Variants in MAGI2 observed in about 807,000 individuals in gnomAD.
The protein encoded by MAGI2 is membrane associated guanylate kinase, WW and PDZ domain containing 2.
A neutral mutation model predicts 133.3 loss-of-function variants in MAGI2; 35 were observed. The observed-to-expected ratio is 0.26, with a 90% confidence interval of 0.20 to 0.35. The LOEUF is 0.35. Ranked by LOEUF, MAGI2 falls within the 10% of genes least tolerant of loss-of-function variation. The pLI is 1.00. For synonymous variants in MAGI2, 729 were observed against 710.6 expected (o/e 1.03, Z -0.41); for missense variants, 1,636 against 1,863.4 (o/e 0.88, Z 2.25).
intron 1 of MAGI2, among the ~76,000 whole-genome samples, chr7:79,266,672 T>A (rs1048604659): frequency 1.3e-5 from 2 of 152,126 alleles, no homozygotes; most frequent in African/African-American, 4.8e-5. Context: ...TTCTTAATAG[T>A]CTTTAAGAAC....
chr7:78,019,761 GCTT>G lies in MAGI2; in HGVS notation c.3919_3921del (p.Lys1307del), dbSNP rs768539271. ...CGCTCCCTCTGCTCCCCGAGGCGCT[GCTT>G]CTTCTGGCCGCAGGCTGAAAGCTCC... On this transcript the variant is annotated inframe_deletion, in exon 22 of 22. Transcript: ENST00000354212. 4 of 1,612,446 alleles carry G rather than the reference GCTT, an allele frequency of 2.5e-6. No individual in the cohort carries two copies. Among genetic ancestry groups the G allele is most frequent in the Non-Finnish European group, 3.4e-6 (4 of 1,179,672 alleles).
At chr7:78,652,687 A>G (rs1811709256) in intron 2 of MAGI2, among the ~76,000 whole-genome samples, 1 of 152,204 alleles carries the variant, frequency 6.6e-6, no homozygotes, top group Admixed American at 6.5e-5. Context: ...AAACCGTAGA[A>G]GAAAACCTAG....
At chr7:79,045,670 T>C (rs1237194344) in intron 1 of MAGI2, among the ~76,000 whole-genome samples, 1 of 152,136 alleles carries the variant, frequency 6.6e-6, no homozygotes, top group Non-Finnish European at 1.5e-5. Context: ...CGGGCACCTG[T>C]AGTCCCAGCT....
intron 21 of MAGI2, 88 bp from the exon 22 acceptor site, chr7:78,020,064 G>A: frequency 8.2e-7 from 1 of 1,217,144 alleles, no homozygotes; most frequent in Admixed American, 3.0e-5. Context: ...CAGGCAGCTG[G>A]GGCGATTGCT....
intron 1 of MAGI2, among the ~76,000 whole-genome samples, chr7:79,192,438 T>A (rs959854421): frequency 4.6e-5 from 7 of 151,858 alleles, no homozygotes; most frequent in African/African-American, 1.2e-4. Context: ...TGCCTTTACA[T>A]AATTTATAAT....
intron 1 of MAGI2, among the ~76,000 whole-genome samples, chr7:79,235,015 C>A (rs1316547062): frequency 6.6e-6 from 1 of 151,610 alleles, no homozygotes; most frequent in Non-Finnish European, 1.5e-5. Flanking sequence ...TTCTAACAGA[C>A]AGTATCCTCA....
At chr7:79,111,729 C>T (rs573175652) in intron 1 of MAGI2, among the ~76,000 whole-genome samples, 1 of 152,024 alleles carries the variant, frequency 6.6e-6, no homozygotes, top group Non-Finnish European at 1.5e-5. Flanking sequence ...TGTAGTGGCA[C>T]GATCTCGGCT....
intron 1 of MAGI2, chr7:79,008,649 T>C (rs994728317): frequency 6.6e-6 from 1 of 152,188 alleles, no homozygotes; most frequent in African/African-American, 2.4e-5. Flanking sequence ...ACATCCGGAA[T>C]GGCTGAACAT....
chr7:78,681,150 G>A (rs529481213), intron 2 of MAGI2, among the ~76,000 whole-genome samples: 1 of 152,150 alleles, frequency 6.6e-6, no homozygotes, highest in South Asian at 2.1e-4. Flanking sequence ...ACAGCAACCA[G>A]AAATACATTC....
At chr7:79,441,255 G>A (rs1848476594) in intron 1 of MAGI2, among the ~76,000 whole-genome samples, 1 of 152,248 alleles carries the variant, frequency 6.6e-6, no homozygotes, top group South Asian at 2.1e-4. Flanking sequence ...TACATTCCAG[G>A]TAGACAACCA....
At chr7:79,007,816 A>C (rs1238569782) in intron 1 of MAGI2, among the ~76,000 whole-genome samples, 2 of 152,116 alleles carry the variant, frequency 1.3e-5, no homozygotes, top group African/African-American at 4.8e-5. Context: ...CCTTTTATGC[A>C]ATAAATAAAA....
At chr7:78,464,966 G>A (rs755375392) in intron 6 of MAGI2, among the ~76,000 whole-genome samples, 1 of 151,948 alleles carries the variant, frequency 6.6e-6, no homozygotes, top group African/African-American at 2.4e-5. Context: ...CTATCATAGT[G>A]CGTATTATAA....
At chr7:78,031,223 T>C (rs1809535837) in intron 21 of MAGI2, among the ~76,000 whole-genome samples, 1 of 152,214 alleles carries the variant, frequency 6.6e-6, no homozygotes, top group African/African-American at 2.4e-5. Context: ...GAGGCTTGAC[T>C]ACAATGGGGG....
In MAGI2 at chr7:78,256,061, G is replaced by T. The variant is rs368148275; in HGVS notation, c.1929C>A (p.Gly643=). ...GCTGGTTGATCTCAACAATGAGGTC[G>T]CCTTCACACAGGCCAGGGCATCCCT... ...DIQGCPGLCE[G]DLIVEINQQN... The change falls in exon 10 of 22, where the codon GGC becomes GGA. Residue 643 remains glycine (G), a synonymous_variant. Coordinates refer to ENST00000354212, the MANE Select transcript of MAGI2 (RefSeq NM_012301.4). The T allele has an allele frequency of 1.9e-6, 3 of 1,613,438 alleles. No individual in the cohort carries two copies. Among genetic ancestry groups the T allele is most frequent in the African/African-American group, 2.7e-5 (2 of 74,882 alleles).
intron 1 of MAGI2, among the ~76,000 whole-genome samples, chr7:79,318,642 CAAAT>C (rs898256363): frequency 3.3e-5 from 5 of 152,104 alleles, no homozygotes; most frequent in Admixed American, 6.5e-5. Flanking sequence ...GTGAAGAAAA[CAAAT>C]ACAACAGAGT....
chr7:79,318,824 T>C (rs1838948231), intron 1 of MAGI2, among the ~76,000 whole-genome samples: 2 of 152,190 alleles, frequency 1.3e-5, no homozygotes, highest in African/African-American at 4.8e-5. Flanking sequence ...CATCTTTAAT[T>C]CTACTTACCA....
intron 6 of MAGI2, among the ~76,000 whole-genome samples, chr7:78,384,586 G>C (rs561470343): frequency 2.0e-5 from 3 of 152,050 alleles, no homozygotes; most frequent in African/African-American, 7.2e-5. Flanking sequence ...ATGTTTTGGG[G>C]TGAATTTACA....
rs114571672 is a variant in MAGI2, at chr7:79,258,856, T to G, written c.301+194164A>C. ...GAGGAAGTGAGTGCAAGTGCAAAGATCTTAAGTAATTCATCACACAATGAA... is the reference window on the plus strand; with the variant it reads ...GAGGAAGTGAGTGCAAGTGCAAAGAGCTTAAGTAATTCATCACACAATGAA... On this transcript the variant is annotated intron_variant, in intron 1 of 21. Coordinates refer to ENST00000354212, the MANE Select transcript of MAGI2 (RefSeq NM_012301.4). Among the ~76,000 whole-genome samples, 904 of 152,332 alleles carry G rather than the reference T, an allele frequency of 5.9e-3. 9 individuals carry two copies. Among genetic ancestry groups the G allele is most frequent in the African/African-American group, 0.02 (838 of 41,570 alleles).
intron 1 of MAGI2, among the ~76,000 whole-genome samples, chr7:79,009,756 T>G (rs1807855860): frequency 6.6e-6 from 1 of 152,058 alleles, no homozygotes; most frequent in Non-Finnish European, 1.5e-5. Context: ...CAGAAGGAAA[T>G]GGACATAATA....
Sources: allele counts gnomAD v4.1 joint callset (sites outside exome capture counted in the v4.1 genomes callset), GRCh38; gene constraint gnomAD v4.1.1; transcripts MANE v1.5; gene names NCBI Gene and HGNC (gene_info 2026-07-23, HGNC 2026-07-21).